UPK1B: variants seen among roughly 807,000 people sequenced by gnomAD.
UPK1B encodes the protein uroplakin 1B.
A neutral mutation model predicts 34.2 loss-of-function variants in UPK1B; 28 were observed. The ratio of observed to expected loss-of-function variants is 0.82; its 90% CI spans 0.61 to 1.12. The LOEUF is 1.12. Ranked by LOEUF, UPK1B falls within the 50% of genes most tolerant of loss-of-function variation. UPK1B has a pLI of 0.00. For synonymous variants in UPK1B, 81 were observed against 110.4 expected, an observed-to-expected ratio of 0.73 and a Z score of 1.67; for missense variants, 325 against 320.9, an observed-to-expected ratio of 1.01 and a Z score of -0.10.
rs1393623084 is a variant in UPK1B, at chr3:119,204,476, T to C, written c.*509T>C. 6.5e-6 allele frequency: 1 copy of C among 154,498 alleles called. No individual in the cohort carries two copies. Among genetic ancestry groups the C allele is most frequent in the Non-Finnish European group, 1.4e-5 (1 of 69,486 alleles). The allele number at this position is 154,498 out of a possible 1,614,324, so 9.6% of individuals were successfully genotyped here. ...CCATATATGGAGATGGGTGATTCTC[T>C]TGATGCCACCTTCAGATCCTTTTAT... is the stretch of plus-strand genomic sequence containing the variant. On this transcript the variant is annotated 3_prime_UTR_variant, in exon 8 of 8. Coordinates refer to ENST00000264234, the MANE Select transcript of UPK1B (RefSeq NM_006952.4).
intron 7 of UPK1B, among the ~76,000 whole-genome samples, chr3:119,203,298 G>T (rs943699773): frequency 7.9e-6 from 1 of 125,852 alleles, no homozygotes; most frequent in South Asian, 2.6e-4. Context: ...TCAAGATCGC[G>T]CCACTGCACT....
At chr3:119,188,059 TTCAG>T in intron 3 of UPK1B, 84 bp downstream of exon 3, 4 of 1,441,960 alleles carry the variant, frequency 2.8e-6, no homozygotes, top group Non-Finnish European at 3.9e-6. Context: ...TGCTTTGGCT[TTCAG>T]TGGGGGAGCA....
At position 119,193,708 on chromosome 3, in the gene UPK1B, TC is replaced by T. The variant is rs141708798; in HGVS notation, c.469-510del. Among the ~76,000 whole-genome samples, 1,517 of 152,328 alleles carry T rather than the reference TC, an allele frequency of 1.0e-2. 26 individuals are homozygous for T. Among genetic ancestry groups the T allele is most frequent in the African/African-American group, 0.034 (1,422 of 41,566 alleles). On this transcript the variant is annotated intron_variant, in intron 5 of 7. Transcript: ENST00000264234. ...ACTAAAATTTTTAATTTTATGATTC[TC>T]AATTTGCTTTGATATAATCTTTAAT...
intron 3 of UPK1B, among the ~76,000 whole-genome samples, chr3:119,188,275 C>T (rs1000285347): frequency 6.6e-6 from 1 of 152,168 alleles, no homozygotes; most frequent in Non-Finnish European, 1.5e-5. Flanking sequence ...CCAGTAGGTA[C>T]AGCTAGGAGC....
chr3:119,196,724 G>A (rs2078069532), intron 6 of UPK1B, among the ~76,000 whole-genome samples: 1 of 151,954 alleles, frequency 6.6e-6, no homozygotes, highest in Non-Finnish European at 1.5e-5. Context: ...ATTTTTAGTA[G>A]AGATGGGGTT....
Position 119,205,112 on chromosome 3 carries a change from G to T in UPK1B, c.*1145G>T, listed in dbSNP as rs898793519. The stretch of plus-strand genomic sequence containing the variant: ...AATTCTTATAACTCAACATTTGTCT[G>T]GTCTTATAAGTAAAGACAGCTTTAA... On this transcript the variant is annotated 3_prime_UTR_variant, in exon 8 of 8. Transcript: ENST00000264234. 3 of 152,126 alleles carry T rather than the reference G, an allele frequency of 2.0e-5. No individual in the cohort carries two copies. The highest frequency in any genetic ancestry group is 4.4e-5 in the Non-Finnish European group (3 of 68,020). The allele number at this position is 152,126 out of a possible 1,614,324, so 9.4% of individuals were successfully genotyped here.
chr3:119,187,731 C>A (rs184612880), intron 2 of UPK1B, 44 bp from the exon 3 acceptor site: 3 of 1,603,576 alleles, frequency 1.9e-6, no homozygotes, highest in African/African-American at 2.7e-5. Flanking sequence ...CCCCCTTTCC[C>A]AAAGCTGCAC....
chr3:119,181,252 A>G (rs373237149), intron 1 of UPK1B, among the ~76,000 whole-genome samples: 2 of 152,174 alleles, frequency 1.3e-5, no homozygotes, highest in East Asian at 1.9e-4. Flanking sequence ...GATTTCATAT[A>G]TTAGAGTTCC....
intron 6 of UPK1B, 65 bp downstream of exon 6, chr3:119,194,463 G>C: frequency 1.4e-6 from 2 of 1,425,706 alleles, no homozygotes; most frequent in Non-Finnish European, 1.9e-6. Flanking sequence ...AAAAATATTG[G>C]TCAACTGTAG....
intron 1 of UPK1B, among the ~76,000 whole-genome samples, chr3:119,182,845 A>G (rs1399952174): frequency 6.6e-6 from 1 of 152,244 alleles, no homozygotes; most frequent in Non-Finnish European, 1.5e-5. Flanking sequence ...TGCACATTGC[A>G]CATTTTACTT....
At chr3:119,199,834 T>A (rs181408128) in intron 7 of UPK1B, among the ~76,000 whole-genome samples, 8 of 152,270 alleles carry the variant, frequency 5.3e-5, no homozygotes, top group African/African-American at 1.9e-4. Flanking sequence ...CTTTACACTC[T>A]CAAAAATTAT....
intron 1 of UPK1B, among the ~76,000 whole-genome samples, chr3:119,183,999 T>C (rs1276529816): frequency 6.6e-6 from 1 of 152,194 alleles, no homozygotes; most frequent in Non-Finnish European, 1.5e-5. Context: ...CCCACTGACA[T>C]ATCACCACCT....
At chr3:119,187,296 C>G (rs1177304367) in intron 2 of UPK1B, among the ~76,000 whole-genome samples, 1 of 152,158 alleles carries the variant, frequency 6.6e-6, no homozygotes, top group Non-Finnish European at 1.5e-5. Context: ...CTTGGCCCAG[C>G]TCTCCCTCTG....
intron 5 of UPK1B, among the ~76,000 whole-genome samples, chr3:119,192,353 C>T (rs2078048441): frequency 6.6e-6 from 1 of 152,130 alleles, no homozygotes; most frequent in South Asian, 2.1e-4. Flanking sequence ...CTAACCAAGC[C>T]CACCGAGTAG....
At chr3:119,180,024 C>G (rs1038786307) in intron 1 of UPK1B, among the ~76,000 whole-genome samples, 4 of 151,334 alleles carry the variant, frequency 2.6e-5, no homozygotes, top group Admixed American at 6.6e-5. Flanking sequence ...TCTCGAACTA[C>G]CAACCTCAGG....
At position 119,199,095 on chromosome 3, in the gene UPK1B, C is replaced by G; in HGVS notation, c.687C>G (p.His229Gln). 2 of 1,614,182 alleles carry G rather than the reference C, an allele frequency of 1.2e-6. No individual in the cohort carries two copies. The highest frequency in any genetic ancestry group is 1.7e-6 in the Non-Finnish European group (2 of 1,180,022). Reference protein sequence around the residue: ...YELISGPMNRHAWGVAWFGFA... With the variant: ...YELISGPMNRQAWGVAWFGFA... ...TGATCTCTGGTCCAATGAACCGACA[C>G]GCCTGGGGGGTTGCCTGGTTTGGAT... is the stretch of plus-strand genomic sequence containing the variant. The change falls in exon 7 of 8, where the codon CAC (histidine) becomes CAG (glutamine). Residue 229 changes from histidine to glutamine, a missense_variant. Physicochemically the swap from His to Gln is conservative, Grantham distance 24 (BLOSUM62 0). Transcript: ENST00000264234.
At position 119,187,794 on chromosome 3, in the gene UPK1B, C is replaced by T; in HGVS notation, c.89C>T (p.Thr30Ile). 1 of 1,613,718 alleles carries T rather than the reference C, an allele frequency of 6.2e-7. No individual in the cohort carries two copies. The highest frequency in any genetic ancestry group is 8.5e-7 in the Non-Finnish European group (1 of 1,179,902). Residue 30 changes from threonine to isoleucine, a missense_variant, in exon 3 of 8, where the codon ACT becomes ATT. Thr to Ile is a moderately conservative substitution (Grantham distance 89). Transcript: ENST00000264234. ...CCCCAGTGTTGCGGCATTGCCCTGA[C>T]TGCGGAGTGCATCTTCTTTGTATCT... is the stretch of plus-strand genomic sequence containing the variant. ...VIIGCCGIALTAECIFFVSDQ... is the reference protein window; with the variant it reads ...VIIGCCGIALIAECIFFVSDQ...
In UPK1B at chr3:119,194,287, T is replaced by G. The variant is rs369810809; in HGVS notation, c.537T>G (p.Asn179Lys). ...QKYTSAFRTE[N>K]NDADYPWPRQ... ...ACACATCTGCCTTCCGGACTGAGAA[T>G]AATGATGCTGACTATCCCTGGCCTC... Residue 179 changes from asparagine (N) to lysine (K), a missense_variant, in exon 6 of 8, where the codon AAT becomes AAG. Transcript: ENST00000264234. The G allele has an allele frequency of 2.3e-5, 37 of 1,614,102 alleles. No homozygotes were observed. The highest frequency in any genetic ancestry group is 3.1e-5 in the Non-Finnish European group (37 of 1,179,954).
At chr3:119,189,971 T>C (rs2078036713) in intron 3 of UPK1B, among the ~76,000 whole-genome samples, 1 of 152,214 alleles carries the variant, frequency 6.6e-6, no homozygotes, top group Non-Finnish European at 1.5e-5. Flanking sequence ...TTCATTCTCT[T>C]GTACTTGTTT....
Sources: gnomAD v4.1 joint callset for allele counts (sites outside exome capture counted in the v4.1 genomes callset) on GRCh38, gnomAD v4.1.1 for gene constraint, MANE v1.5 for transcripts, NCBI Gene and HGNC (gene_info 2026-07-23, HGNC 2026-07-21) for gene names.